DOC2B: variants seen among roughly 807,000 people sequenced by gnomAD.
DOC2B encodes the protein double C2-like domain-containing protein beta.
DOC2B carries 21 observed loss-of-function variants against 28.9 expected under a neutral mutation model. The observed-to-expected ratio is 0.73, with a 90% CI of 0.52 to 1.05. The LOEUF is 1.05. Ranked by LOEUF, DOC2B falls within the 50% of genes least tolerant of loss-of-function variation. The probability of loss-of-function intolerance (pLI) is 0.00; values close to 1 mark genes in which losing one functional copy is unlikely to be tolerated. For synonymous variants in DOC2B, 194 were observed against 178.1 expected, an observed-to-expected ratio of 1.09 and a Z score of -0.71; for missense variants, 384 against 421.1, an observed-to-expected ratio of 0.91 and a Z score of 0.77.
rs2040438936 is a variant in DOC2B, at chr17:181,210, G to A, written c.270C>T (p.Tyr90=). 4.9e-6 allele frequency: 6 copies of A among 1,226,982 alleles called. No individual in the cohort carries two copies. The highest frequency in any genetic ancestry group is 3.2e-4 in the Middle Eastern group (1 of 3,162). The allele number at this position is 1,226,982 out of a possible 1,614,324, so 76.0% of individuals were successfully genotyped here. ...DEDVDQLFGA[Y]GSSPGPSPGP... ...CCGGGCTGGGGCCCGGGCTGGAGCC[G>A]TAGGCTCCGAAGAGCTGGTCCACAT... The change falls in exon 1 of 9, where the codon TAC becomes TAT. Residue 90 remains tyrosine, a synonymous_variant. Coordinates refer to ENST00000613549, the MANE Select transcript of DOC2B (RefSeq NM_003585.5). The surrounding 1 kb of genome is among the most constrained non-coding windows in gnomAD (Gnocchi z 7.0).
intron 2 of DOC2B, among the ~76,000 whole-genome samples, chr17:169,167 G>A (rs1382970756): frequency 2.0e-5 from 3 of 152,068 alleles, no homozygotes; most frequent in South Asian, 2.1e-4. Context: ...GTTTTGACAC[G>A]TGCTGCAATG....
chr17:153,171 C>T (rs144610538), intron 6 of DOC2B, among the ~76,000 whole-genome samples: 4,662 of 152,264 alleles, frequency 0.031, 225 homozygotes, highest in African/African-American at 0.1. Flanking sequence ...TGACCTGGCC[C>T]ACGGCTGGCA....
In DOC2B at chr17:161,529, A is replaced by G. The variant is rs953457699; in HGVS notation, c.651T>C (p.Cys217=). Residue 217 remains cysteine (C), a synonymous_variant, in exon 5 of 9, where the codon TGT becomes TGC. Transcript: ENST00000613549. The part of the protein sequence containing the change: ...MIRKTLRISV[C]DEDKFRHNEF... ...CATTGTGCCGGAATTTGTCCTCGTC[A>G]CACACAGAGATCCTAGAGGGGGCGG... 1 of 1,551,524 alleles carries G rather than the reference A, an allele frequency of 6.4e-7. No individual in the cohort carries two copies. The highest frequency in any genetic ancestry group is 1.4e-5 in the African/African-American group (1 of 73,026).
chr17:164,958 G>A (rs760048586), intron 2 of DOC2B, among the ~76,000 whole-genome samples: 2 of 152,190 alleles, frequency 1.3e-5, no homozygotes, highest in Non-Finnish European at 2.9e-5. Context: ...CTACCCAGCC[G>A]GGTCAGGGAG....
At chr17:175,756 G>C (rs1184665764) in intron 1 of DOC2B, among the ~76,000 whole-genome samples, 2 of 152,224 alleles carry the variant, frequency 1.3e-5, no homozygotes, top group Non-Finnish European at 2.9e-5. Flanking sequence ...CCAGAAGACA[G>C]AGCGGCTGCC....
chr17:163,283 T>G (rs7214406), intron 3 of DOC2B, among the ~76,000 whole-genome samples: 125,296 of 152,012 alleles, frequency 0.82, 51,891 homozygotes, highest in East Asian at 0.86. Flanking sequence ...ATCAAGACCC[T>G]GTGTGGGGAG....
chr17:155,964 A>G, intron 6 of DOC2B: 1 of 499,712 alleles, frequency 2.0e-6, no homozygotes, highest in East Asian at 3.6e-5. Flanking sequence ...GCCTGGACAT[A>G]GCATCAGGTG....
At chr17:154,669 A>T (rs1403967509) in intron 6 of DOC2B, among the ~76,000 whole-genome samples, 4 of 152,178 alleles carry the variant, frequency 2.6e-5, no homozygotes, top group African/African-American at 9.7e-5. Flanking sequence ...TCTGTGTTTA[A>T]CTTTCTGAGG....
chr17:181,365 G>C lies in DOC2B; in HGVS notation c.115C>G (p.Arg39Gly). ...TCCGGGGGCAGGCCCCGCGGGAAGC[G>C]GGGGAAGTAGTCGGAGATCTGCTTG... ...PIKQISDYFP[R>G]FPRGLPPDAG... Residue 39 changes from arginine (R) to glycine (G), a missense_variant, in exon 1 of 9, where the codon CGC (arginine) becomes GGC (glycine). Transcript: ENST00000613549. The surrounding 1 kb of genome is among the most constrained non-coding windows in gnomAD (Gnocchi z 7.0). 8.8e-7 allele frequency: 1 copy of C among 1,134,152 alleles called. No individual in the cohort carries two copies. Among genetic ancestry groups the C allele is most frequent in the Non-Finnish European group, 1.1e-6 (1 of 923,788 alleles). The allele number at this position is 1,134,152 out of a possible 1,614,324, so 70.3% of individuals were successfully genotyped here.
chr17:180,908 G>A (rs2040433322), intron 1 of DOC2B, among the ~76,000 whole-genome samples, 199 bp downstream of exon 1: 1 of 152,022 alleles, frequency 6.6e-6, no homozygotes, highest in South Asian at 2.1e-4. Context: ...GGCCTGGGTC[G>A]GGGGAGGGCT....
intron 5 of DOC2B, 102 bp from the exon 6 acceptor site, chr17:156,479 G>A (rs989678888): frequency 4.8e-5 from 65 of 1,363,618 alleles, no homozygotes; most frequent in East Asian, 7.7e-5. Context: ...TGCTGCAGCC[G>A]GGCCTGGTCA....
intron 1 of DOC2B, among the ~76,000 whole-genome samples, chr17:173,590 G>C (rs2040336433): frequency 6.6e-6 from 1 of 152,216 alleles, no homozygotes; most frequent in Non-Finnish European, 1.5e-5. Flanking sequence ...TTAAGGGGAG[G>C]AACAAATGGA....
At chr17:180,532 G>A (rs2040428082) in intron 1 of DOC2B, among the ~76,000 whole-genome samples, 1 of 152,116 alleles carries the variant, frequency 6.6e-6, no homozygotes, top group African/African-American at 2.4e-5. Flanking sequence ...AAGGACAAGC[G>A]GCCCCGCGGT....
chr17:156,056 T>C, intron 6 of DOC2B, 164 bp downstream of exon 6: 2 of 730,818 alleles, frequency 2.7e-6, no homozygotes, highest in Non-Finnish European at 4.3e-6. Flanking sequence ...GGGCTGGCCA[T>C]GCTTAACCCC....
intron 1 of DOC2B, among the ~76,000 whole-genome samples, chr17:178,201 T>C (rs909591377): frequency 2.0e-5 from 3 of 152,162 alleles, no homozygotes; most frequent in African/African-American, 7.2e-5. Flanking sequence ...ACCTGAACCT[T>C]CCTCACCCAG....
chr17:161,416 G>A lies in DOC2B; in HGVS notation c.764C>T (p.Pro255Leu), dbSNP rs776865000. 18 of 1,551,412 alleles carry A rather than the reference G, an allele frequency of 1.2e-5. No homozygotes were observed. Among genetic ancestry groups the A allele is most frequent in the East Asian group, 9.8e-5 (4 of 40,920 alleles). Residue 255 changes from proline (P) to leucine (L), a missense_variant and splice_region_variant, in exon 5 of 9, where the codon CCG becomes CTG. Transcript: ENST00000613549. Reference sequence around the variant, plus strand: ...CAGGTGCTCAATCAATCCTCTCACCGGCAGCTGCTTCTCCAGGCAGATGCT... The same window carrying A: ...CAGGTGCTCAATCAATCCTCTCACCAGCAGCTGCTTCTCCAGGCAGATGCT... ...TFSICLEKQL[P>L]VDKTEDKSLE... is the part of the protein sequence containing the mutation.
intron 6 of DOC2B, among the ~76,000 whole-genome samples, chr17:152,373 T>G (rs930527079): frequency 1.1e-4 from 17 of 152,316 alleles, no homozygotes; most frequent in African/African-American, 4.1e-4. Context: ...CAGGCACTGC[T>G]ACTCCTGGGG....
intron 4 of DOC2B, 80 bp from the exon 5 acceptor site, chr17:161,621 G>T: frequency 6.5e-7 from 1 of 1,532,242 alleles, no homozygotes. Context: ...GGTAGGGCCA[G>T]CCCTGGCTTC....
Position 181,444 on chromosome 17 carries a change from G to A in DOC2B, c.36C>T (p.Ile12=), listed in dbSNP as rs763956550. 25 of 1,160,348 alleles carry A rather than the reference G, an allele frequency of 2.2e-5. No individual in the cohort carries two copies. Among genetic ancestry groups the A allele is most frequent in the Non-Finnish European group, 8.6e-6 (8 of 928,766 alleles). 71.9% of individuals were successfully genotyped at this position (1,160,348 alleles called of 1,614,324 possible). A position where few individuals can be genotyped will look rare whatever the true frequency, so the allele number is the denominator to read the frequency against. The change falls in exon 1 of 9, where the codon ATC becomes ATT. Residue 12 remains isoleucine, a synonymous_variant. Transcript: ENST00000613549. The surrounding 1 kb of genome is among the most constrained non-coding windows in gnomAD (Gnocchi z 7.0). ...CGATGGCCATATGCTCCTGGATGCT[G>A]ATGGTCGCCTTCTCCCCGCGCCGCC... ...TLRRRGEKAT[I]SIQEHMAIDV... is the part of the protein sequence containing the mutation.
Sources: allele counts gnomAD v4.1 joint callset (sites outside exome capture counted in the v4.1 genomes callset), GRCh38; gene constraint gnomAD v4.1.1; non-coding constraint Gnocchi (gnomAD v3.1); transcripts MANE v1.5; gene names NCBI Gene and HGNC (gene_info 2026-07-23, HGNC 2026-07-21).